Variants in MYH11 observed in about 807,000 individuals in gnomAD.
MYH11 encodes the protein myosin-11.
Under a neutral mutation model 246.6 loss-of-function variants are expected in MYH11, and 80 were observed. The observed-to-expected ratio is 0.32, with a 90% confidence interval of 0.27 to 0.39. The LOEUF (loss-of-function observed/expected upper bound fraction) is 0.39. Ranked by LOEUF, MYH11 falls within the 10% of genes least tolerant of loss-of-function variation. The pLI is 1.00. For missense variants in MYH11, 2,158 were observed against 2,546.8 expected (o/e 0.85, Z 3.29); for synonymous variants, 1,071 against 1,015.5 (o/e 1.05, Z -1.04).
chr16:15,703,872 G>T lies in MYH11; in HGVS notation c.*119C>A. The T allele has an allele frequency of 7.4e-7, 1 of 1,352,180 alleles. No homozygotes were observed. Among genetic ancestry groups the T allele is most frequent in the Non-Finnish European group, 1.1e-6 (1 of 948,708 alleles). The allele number at this position is 1,352,180 out of a possible 1,614,324, so 83.8% of individuals were successfully genotyped here. On this transcript the variant is annotated 3_prime_UTR_variant, in exon 41 of 41. Transcript: ENST00000300036. The stretch of plus-strand genomic sequence containing the variant: ...TATTTGGAATTTGAGAATGGATTTA[G>T]ACAATGCTAAGTACAGTCTGCTGGG...
chr16:15,729,982 G>A lies in MYH11; in HGVS notation c.3651+2582C>T, dbSNP rs2040912176. Among the ~76,000 whole-genome samples, 4 of 152,068 alleles carry A rather than the reference G, an allele frequency of 2.6e-5. No individual in the cohort carries two copies. In the South Asian group the frequency reaches 6.2e-4, roughly 24 times the overall value. On this transcript the variant is annotated intron_variant, in intron 27 of 40. Transcript: ENST00000300036. ...ATTATAAGCATGAGCCACCGCGCCC[G>A]GCCTTTGGGGGCAGTTTCTAATGGT... is the stretch of plus-strand genomic sequence containing the variant.
intron 2 of MYH11, among the ~76,000 whole-genome samples, chr16:15,830,314 G>A (rs1353783124): frequency 6.6e-6 from 1 of 152,098 alleles, no homozygotes; most frequent in African/African-American, 2.4e-5. Context: ...AGACAGACGT[G>A]GTCCACCAAG....
chr16:15,854,980 C>G (rs955440467), intron 1 of MYH11, among the ~76,000 whole-genome samples: 1 of 152,154 alleles, frequency 6.6e-6, no homozygotes, highest in South Asian at 2.1e-4. Flanking sequence ...GGGCCAGGAC[C>G]AACCGGGCTG....
intron 1 of MYH11, among the ~76,000 whole-genome samples, chr16:15,847,455 T>A (rs2151391262): frequency 6.6e-6 from 1 of 152,154 alleles, no homozygotes; most frequent in East Asian, 1.9e-4. Context: ...TTTCACCATG[T>A]TGTCCAGGCT....
intron 26 of MYH11, 85 bp from the exon 27 acceptor site, chr16:15,732,793 A>C (rs1161115619): frequency 6.5e-7 from 1 of 1,534,800 alleles, no homozygotes; most frequent in East Asian, 2.3e-5. Context: ...GAGCTCTTCC[A>C]GGACCCAGAG....
At chr16:15,803,474 A>G (rs1475859537) in intron 3 of MYH11, among the ~76,000 whole-genome samples, 3 of 151,766 alleles carry the variant, frequency 2.0e-5, no homozygotes, top group Non-Finnish European at 4.4e-5. Flanking sequence ...ACGGGGTTTC[A>G]CCATGTTGGC....
chr16:15,712,109 TTCA>T (rs1331317461), intron 40 of MYH11, among the ~76,000 whole-genome samples: 12 of 152,324 alleles, frequency 7.9e-5, no homozygotes, highest in Admixed American at 2.0e-4. Flanking sequence ...TGTTGGCAAC[TTCA>T]TCATTTTAGC....
chr16:15,824,264 G>T (rs2043499208), intron 2 of MYH11, among the ~76,000 whole-genome samples: 1 of 151,036 alleles, frequency 6.6e-6, no homozygotes, highest in Admixed American at 6.6e-5. Context: ...AGCAAGAACA[G>T]AAGAGAATGT....
At chr16:15,839,359 C>T (rs989951947) in intron 1 of MYH11, among the ~76,000 whole-genome samples, 5 of 152,124 alleles carry the variant, frequency 3.3e-5, no homozygotes, top group Non-Finnish European at 7.4e-5. Context: ...ATACGAAAAA[C>T]TATTAGGCTG....
chr16:15,816,171 C>T (rs1233610569), intron 3 of MYH11, among the ~76,000 whole-genome samples: 1 of 152,056 alleles, frequency 6.6e-6, no homozygotes, highest in Non-Finnish European at 1.5e-5. Context: ...AACTGGGAAA[C>T]AAGGAATCCA....
chr16:15,775,057 T>C (rs776165687), intron 8 of MYH11, among the ~76,000 whole-genome samples: 27 of 152,222 alleles, frequency 1.8e-4, no homozygotes, highest in Non-Finnish European at 3.2e-4. Flanking sequence ...ATTGTTCCCA[T>C]AGAATTTCAG....
rs767457782 is a variant in MYH11, at chr16:15,838,176, G to T, written c.77C>A (p.Ala26Asp). 3 of 1,614,026 alleles carry T rather than the reference G, an allele frequency of 1.9e-6. No individual in the cohort carries two copies. The African/African-American group carries it at 4.0e-5, about 22-fold the overall frequency. The change falls in exon 2 of 41, where the codon GCC becomes GAC. Residue 26 changes from alanine to aspartate, a missense_variant. This residue lies in a region of MYH11 where 96 missense variants were observed against 91.9 expected (regional missense o/e 1.04). Transcript: ENST00000300036. ...VDKNFINSPV[A>D]QADWAAKRLV... is the part of the protein sequence containing the mutation. ...TCTCTTGGCGGCCCAGTCAGCCTGG[G>T]CCACTGGGCTGTTGATGAAGTTTTT...
chr16:15,753,085 G>C (rs981958032), intron 15 of MYH11, among the ~76,000 whole-genome samples: 4 of 152,180 alleles, frequency 2.6e-5, no homozygotes, highest in Non-Finnish European at 4.4e-5. Flanking sequence ...ACAAGATACA[G>C]TGAAGTCCTT....
At chr16:15,743,302 G>T (rs1774616548) in intron 20 of MYH11, among the ~76,000 whole-genome samples, 1 of 152,142 alleles carries the variant, frequency 6.6e-6, no homozygotes, top group Admixed American at 6.6e-5. Context: ...CTGAGTAGCT[G>T]GGATTACAGG....
intron 15 of MYH11, among the ~76,000 whole-genome samples, chr16:15,751,445 G>C (rs144922975): frequency 0.024 from 3,603 of 151,314 alleles, 142 homozygotes; most frequent in African/African-American, 0.083. Flanking sequence ...TTACAGGCGT[G>C]AGCTACCGCG....
At chr16:15,709,030 C>T (rs754546142) in intron 40 of MYH11, among the ~76,000 whole-genome samples, 5 of 152,042 alleles carry the variant, frequency 3.3e-5, no homozygotes, top group Non-Finnish European at 5.9e-5. Context: ...GCAACCTCTA[C>T]GTCCTGGATT....
At chr16:15,704,177 T>C (rs1401339518) in intron 40 of MYH11, 54 bp from the exon 41 acceptor site, 4 of 1,605,324 alleles carry the variant, frequency 2.5e-6, no homozygotes, top group East Asian at 2.2e-5. Flanking sequence ...ATGGTTGGGA[T>C]AGATTTTTTA....
At position 15,719,711 on chromosome 16, in the gene MYH11, A is replaced by T. The variant is rs1357239474; in HGVS notation, c.4956T>A (p.Ala1652=). 2 of 1,613,994 alleles carry T rather than the reference A, an allele frequency of 1.2e-6. No homozygotes were observed. Among genetic ancestry groups the T allele is most frequent in the Non-Finnish European group, 1.7e-6 (2 of 1,180,026 alleles). Residue 1652 remains alanine (A), a splice_region_variant and synonymous_variant, in exon 35 of 41, where the codon GCT becomes GCA. Transcript: ENST00000300036. ...EAIKQLRKLQ[A]QMKDFQRELE... ...GCTCTCTTTGAAAGTCCTTCATCTG[A>T]GCCTGCATGAGTCAACAGGGAGGAC...
At chr16:15,768,281 T>A (rs2042027393) in intron 9 of MYH11, among the ~76,000 whole-genome samples, 1 of 152,218 alleles carries the variant, frequency 6.6e-6, no homozygotes, top group Non-Finnish European at 1.5e-5. Flanking sequence ...GGTGATTTTA[T>A]TTTTTATCTT....
Sources: gnomAD v4.1 joint callset for allele counts (sites outside exome capture counted in the v4.1 genomes callset) on GRCh38, gnomAD v4.1.1 for gene constraint, gnomAD v4.1.1 regional missense constraint, MANE v1.5 for transcripts, NCBI Gene and HGNC (gene_info 2026-07-23, HGNC 2026-07-21) for gene names.